TRIM16: variants seen among roughly 807,000 people sequenced by gnomAD.
The protein encoded by TRIM16 is tripartite motif-containing protein 16.
In TRIM16, 33 loss-of-function variants were observed where a neutral mutation model predicts 50.4. That is an observed-to-expected ratio of 0.65 (90% CI 0.50 to 0.88). The LOEUF (loss-of-function observed/expected upper bound fraction) is 0.88. Among genes scored for constraint, TRIM16 ranks in the 40% least tolerant of loss-of-function variants. The probability of loss-of-function intolerance (pLI) is 0.00; values close to 1 mark genes in which losing one functional copy is unlikely to be tolerated. For synonymous variants in TRIM16, 229 were observed against 270.7 expected (o/e 0.85, Z 1.51); for missense variants, 581 against 686.8 (o/e 0.85, Z 1.72).
chr17:15,679,598 CTTCAG>C (rs1989092613), intron 4 of TRIM16, among the ~76,000 whole-genome samples: 1 of 152,190 alleles, frequency 6.6e-6, no homozygotes, highest in African/African-American at 2.4e-5. Context: ...TTAAGGTTAT[CTTCAG>C]TTAAGTTGAG....
chr17:15,672,465 G>A (rs1423513338), intron 6 of TRIM16, among the ~76,000 whole-genome samples: 4 of 150,852 alleles, frequency 2.7e-5, no homozygotes, highest in South Asian at 4.3e-4. Flanking sequence ...TGGGCGTGGC[G>A]GCTCATGCCA....
At chr17:15,683,948 G>C (rs1044204570) in intron 1 of TRIM16, 4 of 152,192 alleles carry the variant, frequency 2.6e-5, no homozygotes, top group South Asian at 4.1e-4. Context: ...ATGCTCCAGG[G>C]TATGCGGGCC....
At chr17:15,629,288 A>T (rs1986282076) in intron 11 of TRIM16, 90 bp from the exon 12 acceptor site, 1 of 725,374 alleles carries the variant, frequency 1.4e-6, no homozygotes, top group Non-Finnish European at 2.3e-6. Flanking sequence ...TCCAAAGCAC[A>T]TATGAGAAAA....
chr17:15,677,175 C>T lies in TRIM16; in HGVS notation c.-338+1G>A, dbSNP rs553797652. 17 of 985,108 alleles carry T rather than the reference C, an allele frequency of 1.7e-5. No homozygotes were observed. Among genetic ancestry groups the T allele is most frequent in the Non-Finnish European group, 2.0e-5 (17 of 829,914 alleles). 61.0% of individuals were successfully genotyped at this position (985,108 alleles called of 1,614,324 possible). On this transcript the variant is annotated splice_donor_variant, in intron 6 of 11. Coordinates refer to ENST00000649191, the MANE Select transcript of TRIM16 (RefSeq NM_001348119.1). LOFTEE classifies it low-confidence loss of function (5UTR_SPLICE). ...ATGCAATCTGCCTTGTTCTCACTTA[C>T]GTGTACCGCTGCTTCTTGGCACCTC...
At chr17:15,648,225 CAAAAAAA>C (rs542434481) in intron 7 of TRIM16, among the ~76,000 whole-genome samples, 1 of 75,544 alleles carries the variant, frequency 1.3e-5, no homozygotes, top group African/African-American at 4.1e-5. Context: ...GACTCCGTCT[CAAAAAAA>C]AAAAAAAACA....
Position 15,652,873 on chromosome 17 carries a change from G to A in TRIM16, c.-337-927C>T, listed in dbSNP as rs1357539797. ...CGTGGGTACTCAGTGGAGATCAGGA[G>A]GGTCAGGGAAGACTTGTCTCCTTCC... On this transcript the variant is annotated intron_variant, in intron 6 of 11. Coordinates refer to ENST00000649191, the MANE Select transcript of TRIM16 (RefSeq NM_001348119.1). 4.6e-5 allele frequency among the ~76,000 whole-genome samples: 7 copies of A among 152,112 alleles called. No individual in the cohort carries two copies. The East Asian group carries it at 1.3e-3, about 29-fold the overall frequency.
intron 6 of TRIM16, among the ~76,000 whole-genome samples, chr17:15,658,456 C>T (rs75569768): frequency 0.027 from 4,151 of 152,240 alleles, 123 homozygotes; most frequent in East Asian, 0.14. Context: ...CTATGATTCA[C>T]AAACACAGGT....
chr17:15,637,658 G>A (rs1416542705), intron 8 of TRIM16, among the ~76,000 whole-genome samples: 8 of 141,560 alleles, frequency 5.7e-5, no homozygotes, highest in African/African-American at 2.2e-4. Context: ...CAGCCGCCCC[G>A]TCCGGGAGGT....
At chr17:15,682,225 T>G (rs1460449937) in intron 3 of TRIM16, among the ~76,000 whole-genome samples, 2 of 152,334 alleles carry the variant, frequency 1.3e-5, no homozygotes, top group African/African-American at 4.8e-5. Context: ...TTTATGGCGC[T>G]TTCTTTCTAT....
rs1987728391 is a variant in TRIM16, at chr17:15,651,884, T to C, written c.-275A>G. 7.2e-7 allele frequency: 1 copy of C among 1,386,430 alleles called. No homozygotes were observed. Among genetic ancestry groups the C allele is most frequent in the East Asian group, 2.8e-5 (1 of 35,466 alleles). 85.9% of individuals were successfully genotyped at this position (1,386,430 alleles called of 1,614,324 possible). A position where few individuals can be genotyped will look rare whatever the true frequency, so the allele number is the denominator to read the frequency against. ...CCCAGGTCCAGCCCTGAAACTTCTA[T>C]TCTTATGTGAATCATCTGAACCCCA... On this transcript the variant is annotated 5_prime_UTR_variant, in exon 7 of 12. Coordinates refer to ENST00000649191, the MANE Select transcript of TRIM16 (RefSeq NM_001348119.1).
At chr17:15,650,608 T>A (rs1987640246) in intron 7 of TRIM16, among the ~76,000 whole-genome samples, 1 of 152,200 alleles carries the variant, frequency 6.6e-6, no homozygotes, top group South Asian at 2.1e-4. Flanking sequence ...GAGGGGCCCA[T>A]TCTACTGGTC....
At position 15,628,748 on chromosome 17, in the gene TRIM16, T is replaced by C. The variant is rs1986232707; in HGVS notation, c.1562A>G (p.Lys521Arg). ...TGGTTCTGAAAATTTGCAGGCAAAC[T>C]TGTGAACCAGAGTCATGGTATCATA... ...VEYDTMTLVH[K>R]FACKFSEPVY... The change falls in exon 12 of 12, where the codon AAG (lysine) becomes AGG (arginine). Residue 521 changes from lysine to arginine, a missense_variant. Around this residue, in one of 3 missense-constraint regions of TRIM16, gnomAD observed 115 missense variants for 106.7 expected, o/e 1.08. Coordinates refer to ENST00000649191, the MANE Select transcript of TRIM16 (RefSeq NM_001348119.1). 1 of 1,614,128 alleles carries C rather than the reference T, an allele frequency of 6.2e-7. No homozygotes were observed. The highest frequency in any genetic ancestry group is 8.5e-7 in the Non-Finnish European group (1 of 1,180,024).
chr17:15,660,219 A>C (rs1597649530), intron 6 of TRIM16, among the ~76,000 whole-genome samples: 1 of 152,340 alleles, frequency 6.6e-6, no homozygotes, highest in African/African-American at 2.4e-5. Flanking sequence ...CAACAAAGGA[A>C]GGAAAAAGCA....
intron 1 of TRIM16, chr17:15,683,506 C>T (rs1989263459): frequency 5.9e-6 from 1 of 169,678 alleles, no homozygotes; most frequent in African/African-American, 2.4e-5. Flanking sequence ...GCTGGGTGAC[C>T]TACAACAAGC....
At chr17:15,673,656 T>C in intron 6 of TRIM16, among the ~76,000 whole-genome samples, 1 of 122,980 alleles carries the variant, frequency 8.1e-6, no homozygotes. Flanking sequence ...CCAAAAAAGT[T>C]ACTCTAACAT....
At chr17:15,656,919 G>T (rs1239374087) in intron 6 of TRIM16, among the ~76,000 whole-genome samples, 1 of 151,744 alleles carries the variant, frequency 6.6e-6, no homozygotes, top group Non-Finnish European at 1.5e-5. Context: ...CACCACACTT[G>T]GCTAATTTGT....
chr17:15,639,921 G>T (rs1396632603), intron 8 of TRIM16, among the ~76,000 whole-genome samples: 2 of 149,208 alleles, frequency 1.3e-5, no homozygotes, highest in African/African-American at 2.5e-5. Flanking sequence ...ACCCTCTGCT[G>T]CTAGCCTGGT....
intron 8 of TRIM16, among the ~76,000 whole-genome samples, chr17:15,642,419 C>G (rs1029397555): frequency 4.7e-5 from 7 of 148,698 alleles, no homozygotes; most frequent in Middle Eastern, 3.5e-3. Context: ...CTCCCAGCCC[C>G]CCACACACAT....
intron 4 of TRIM16, among the ~76,000 whole-genome samples, chr17:15,678,180 T>C (rs974300515): frequency 4.6e-5 from 7 of 151,488 alleles, no homozygotes; most frequent in Admixed American, 6.6e-5. Context: ...GATCACGCCA[T>C]TGCACTCCAG....
Sources: allele counts gnomAD v4.1 joint callset (sites outside exome capture counted in the v4.1 genomes callset), GRCh38; gene constraint gnomAD v4.1.1; regional missense constraint gnomAD v4.1.1; transcripts MANE v1.5; gene names NCBI Gene and HGNC (gene_info 2026-07-23, HGNC 2026-07-21).